The following TBC1D22A variants were observed in gnomAD, a reference collection of about 807,000 sequenced individuals.
TBC1D22A encodes the protein putative GTPase activator.
A neutral mutation model predicts 60.2 loss-of-function variants in TBC1D22A; 38 were observed. The ratio of observed to expected loss-of-function variants is 0.63; its 90% CI spans 0.49 to 0.83. The LOEUF (loss-of-function observed/expected upper bound fraction) is 0.83. Ranked by LOEUF, TBC1D22A falls within the 40% of genes least tolerant of loss-of-function variation. TBC1D22A has a pLI of 0.00. For missense variants in TBC1D22A, 628 were observed against 701.0 expected, an observed-to-expected ratio of 0.90 and a Z score of 1.18; for synonymous variants, 302 against 281.7, an observed-to-expected ratio of 1.07 and a Z score of -0.72.
chr22:46,833,593 A>G (rs893125439), intron 4 of TBC1D22A, among the ~76,000 whole-genome samples: 1 of 152,212 alleles, frequency 6.6e-6, no homozygotes, highest in African/African-American at 2.4e-5. Context: ...AGCAACTGAG[A>G]AAGGACGAAT....
intron 11 of TBC1D22A, among the ~76,000 whole-genome samples, chr22:47,092,188 A>C (rs2065003670): frequency 6.6e-6 from 1 of 152,152 alleles, no homozygotes. Context: ...ATGTCGGAGC[A>C]GGGCGCCTTA....
chr22:47,051,751 C>T (rs533648500), intron 11 of TBC1D22A, among the ~76,000 whole-genome samples: 1 of 152,324 alleles, frequency 6.6e-6, no homozygotes, highest in African/African-American at 2.4e-5. Flanking sequence ...TCCAGCTCCC[C>T]TCCCTCCTCC....
chr22:47,096,142 A>T (rs3884715), intron 11 of TBC1D22A, among the ~76,000 whole-genome samples: 1 of 152,240 alleles, frequency 6.6e-6, no homozygotes, highest in Non-Finnish European at 1.5e-5. Context: ...TTTCATTTTT[A>T]AAAAGCTTCA....
chr22:47,104,810 ACAT>A (rs2065567013), intron 11 of TBC1D22A, among the ~76,000 whole-genome samples: 5 of 152,134 alleles, frequency 3.3e-5, no homozygotes, highest in Admixed American at 2.0e-4. Context: ...CTTAACCTGG[ACAT>A]TTCCTTTCTA....
chr22:46,954,462 G>A (rs1247826871), intron 8 of TBC1D22A, among the ~76,000 whole-genome samples: 1 of 152,236 alleles, frequency 6.6e-6, no homozygotes, highest in Non-Finnish European at 1.5e-5. Flanking sequence ...AAGGCGGAGA[G>A]TTGTGGGCAT....
intron 9 of TBC1D22A, among the ~76,000 whole-genome samples, chr22:46,991,446 C>A (rs188404176): frequency 1.3e-5 from 2 of 152,130 alleles, no homozygotes; most frequent in African/African-American, 4.8e-5. Flanking sequence ...CAGTGCCAGC[C>A]GGGAACCAAT....
In TBC1D22A at chr22:46,887,697, G is replaced by A. The variant is rs552480626; in HGVS notation, c.709-3569G>A. On this transcript the variant is annotated intron_variant, in intron 5 of 12. Coordinates refer to ENST00000337137, the MANE Select transcript of TBC1D22A (RefSeq NM_014346.5). ...GGGGAGGAGGTAAGGGGCGGTGACC[G>A]AGAGGCCTGCTAAGACGGTGATGGT... is the stretch of plus-strand genomic sequence containing the variant. 1.1e-4 allele frequency among the ~76,000 whole-genome samples: 17 copies of A among 152,348 alleles called. 2 individuals carry two copies. Among genetic ancestry groups the A allele is most frequent in the Middle Eastern group, 3.4e-3 (1 of 294 alleles).
chr22:47,124,061 G>A (rs766831926), intron 12 of TBC1D22A, among the ~76,000 whole-genome samples: 3 of 152,164 alleles, frequency 2.0e-5, no homozygotes, highest in Non-Finnish European at 2.9e-5. Flanking sequence ...TGGTGGGTGC[G>A]CTTACTGCCG....
chr22:47,080,981 G>A (rs191690232), intron 11 of TBC1D22A, among the ~76,000 whole-genome samples: 4 of 152,058 alleles, frequency 2.6e-5, no homozygotes, highest in Non-Finnish European at 4.4e-5. Context: ...TTAGCTGGGC[G>A]TGATGGCGCA....
intron 11 of TBC1D22A, among the ~76,000 whole-genome samples, chr22:47,102,432 G>T (rs1229717924): frequency 6.6e-6 from 1 of 152,234 alleles, no homozygotes; most frequent in Non-Finnish European, 1.5e-5. Context: ...CCAAGGCCAG[G>T]TGCCCAGGGC....
chr22:46,997,789 C>A, intron 10 of TBC1D22A, 80 bp downstream of exon 10: 1 of 1,346,132 alleles, frequency 7.4e-7, no homozygotes, highest in South Asian at 1.2e-5. Context: ...GGGAGCTGTC[C>A]TCATCCGCCG....
In TBC1D22A at chr22:46,869,045, C is replaced by T. The variant is rs186509889; in HGVS notation, c.638-9608C>T. ...CGTCCCCTTGTCAGGCTGTTATCTG[C>T]GCCGCTCCGCTGCCTCCCACTGCTG... On this transcript the variant is annotated intron_variant, in intron 4 of 12. Coordinates refer to ENST00000337137, the MANE Select transcript of TBC1D22A (RefSeq NM_014346.5). 2.0e-3 allele frequency among the ~76,000 whole-genome samples: 301 copies of T among 152,290 alleles called. 4 individuals are homozygous for T. The highest frequency in any genetic ancestry group is 6.9e-3 in the African/African-American group (287 of 41,564).
At chr22:46,783,088 G>T (rs2084010371) in intron 1 of TBC1D22A, among the ~76,000 whole-genome samples, 1 of 152,166 alleles carries the variant, frequency 6.6e-6, no homozygotes. Flanking sequence ...TGAGGTCCCG[G>T]TCTCTCTGCA....
chr22:46,800,188 G>T (rs1202404277), intron 4 of TBC1D22A, among the ~76,000 whole-genome samples: 1 of 152,110 alleles, frequency 6.6e-6, no homozygotes, highest in Non-Finnish European at 1.5e-5. Flanking sequence ...TTCCTAACTT[G>T]CTATTATTAC....
At chr22:47,040,804 C>T (rs529239991) in intron 11 of TBC1D22A, among the ~76,000 whole-genome samples, 19 of 152,252 alleles carry the variant, frequency 1.2e-4, no homozygotes, top group Non-Finnish European at 2.2e-4. Flanking sequence ...CTCTAAATCC[C>T]GGTGACTTCT....
At chr22:47,138,331 T>C (rs568704888) in intron 12 of TBC1D22A, among the ~76,000 whole-genome samples, 8 of 152,106 alleles carry the variant, frequency 5.3e-5, no homozygotes, top group African/African-American at 1.9e-4. Flanking sequence ...GGGAGGACCG[T>C]GGACAGTGAT....
At chr22:47,135,402 T>A (rs780251109) in intron 12 of TBC1D22A, among the ~76,000 whole-genome samples, 1 of 151,844 alleles carries the variant, frequency 6.6e-6, no homozygotes, top group Non-Finnish European at 1.5e-5. Flanking sequence ...GCAGGGAGGA[T>A]GGAGTGAGAG....
intron 4 of TBC1D22A, among the ~76,000 whole-genome samples, chr22:46,841,552 T>C (rs913467647): frequency 6.6e-6 from 1 of 152,230 alleles, no homozygotes; most frequent in Non-Finnish European, 1.5e-5. Context: ...GCAACATGGA[T>C]GAGCCTGGGT....
intron 8 of TBC1D22A, among the ~76,000 whole-genome samples, chr22:46,968,659 G>A (rs927958956): frequency 2.6e-5 from 4 of 152,150 alleles, no homozygotes; most frequent in Non-Finnish European, 4.4e-5. Flanking sequence ...CGTAGCCGGC[G>A]GTCCTGAGTG....
Sources: gnomAD v4.1 joint callset for allele counts (sites outside exome capture counted in the v4.1 genomes callset) on GRCh38, gnomAD v4.1.1 for gene constraint, MANE v1.5 for transcripts, NCBI Gene and HGNC (gene_info 2026-07-23, HGNC 2026-07-21) for gene names.